The following KCNQ5 variants were observed in gnomAD, a reference collection of about 807,000 sequenced individuals.
KCNQ5 encodes the protein potassium voltage-gated channel subfamily Q member 5.
A neutral mutation model predicts 98.2 loss-of-function variants in KCNQ5; 30 were observed. The ratio of observed to expected loss-of-function variants is 0.31; its 90% CI spans 0.23 to 0.41. The LOEUF is 0.41. Among genes scored for constraint, KCNQ5 ranks in the 10% least tolerant of loss-of-function variants. The pLI is 1.00. For missense variants in KCNQ5, 835 were observed against 1,182.5 expected (o/e 0.71, Z 4.31); for synonymous variants, 458 against 449.4 (o/e 1.02, Z -0.24).
intron 3 of KCNQ5, among the ~76,000 whole-genome samples, chr6:73,073,760 T>G (rs1321426960): frequency 1.3e-5 from 2 of 152,210 alleles, no homozygotes; most frequent in African/African-American, 2.4e-5. Context: ...TGTCCATAGT[T>G]TCTACCTTAC....
chr6:72,757,159 T>C (rs1772013306), intron 1 of KCNQ5, among the ~76,000 whole-genome samples: 1 of 152,204 alleles, frequency 6.6e-6, no homozygotes, highest in African/African-American at 2.4e-5. Context: ...CGATGGGCTG[T>C]AATTGAGCAT....
chr6:72,653,671 A>G (rs1243584594), intron 1 of KCNQ5, among the ~76,000 whole-genome samples: 1 of 152,106 alleles, frequency 6.6e-6, no homozygotes, highest in African/African-American at 2.4e-5. Context: ...TTAAATGTGG[A>G]TATAAAAATA....
intron 12 of KCNQ5, 93 bp downstream of exon 12, chr6:73,190,797 A>G (rs1765565429): frequency 1.4e-5 from 10 of 738,968 alleles, no homozygotes; most frequent in Non-Finnish European, 2.0e-5. Flanking sequence ...TCTGAACTCC[A>G]TATTTTTCAT....
intron 1 of KCNQ5, among the ~76,000 whole-genome samples, chr6:72,901,027 G>T (rs774811367): frequency 1.1e-4 from 17 of 151,838 alleles, no homozygotes; most frequent in Non-Finnish European, 1.6e-4. Flanking sequence ...TGCACAACAT[G>T]CAGGTTTGTT....
intron 9 of KCNQ5, chr6:73,129,710 T>TTTA: frequency 8.4e-7 from 1 of 1,186,272 alleles, no homozygotes; most frequent in Non-Finnish European, 1.2e-6. Flanking sequence ...GCCAAATGGC[T>TTTA]TTGTTTTTAT....
chr6:72,925,820 C>T (rs991809666), intron 1 of KCNQ5, among the ~76,000 whole-genome samples: 1 of 152,080 alleles, frequency 6.6e-6, no homozygotes, highest in Non-Finnish European at 1.5e-5. Context: ...GCAATGGGAA[C>T]CTTGTGGGCA....
chr6:72,952,231 G>A (rs1766840544), intron 1 of KCNQ5, among the ~76,000 whole-genome samples: 1 of 152,210 alleles, frequency 6.6e-6, no homozygotes. Flanking sequence ...AAACACACTT[G>A]TGCATGTACA....
At chr6:72,628,045 C>T (rs1386253446) in intron 1 of KCNQ5, among the ~76,000 whole-genome samples, 2 of 152,200 alleles carry the variant, frequency 1.3e-5, no homozygotes, top group South Asian at 2.1e-4. Context: ...TCCCACATGA[C>T]AGCAAGCTTC....
At chr6:73,077,909 T>C in intron 5 of KCNQ5, 22 bp downstream of exon 5, 3 of 1,566,572 alleles carry the variant, frequency 1.9e-6, no homozygotes, top group Non-Finnish European at 2.6e-6. Flanking sequence ...AATACATTTT[T>C]TATTTATTGG....
intron 1 of KCNQ5, among the ~76,000 whole-genome samples, chr6:72,840,891 A>T (rs935703888): frequency 1.3e-5 from 2 of 152,142 alleles, no homozygotes; most frequent in African/African-American, 4.8e-5. Flanking sequence ...TGTTAAGCTT[A>T]TGGATGGTTG....
At chr6:72,956,997 C>T (rs1052445963) in intron 1 of KCNQ5, among the ~76,000 whole-genome samples, 9 of 152,072 alleles carry the variant, frequency 5.9e-5, no homozygotes, top group Admixed American at 2.0e-4. Context: ...TGTTCAGGCC[C>T]GTTGCATTAC....
chr6:72,815,331 G>A (rs551780469), intron 1 of KCNQ5, among the ~76,000 whole-genome samples: 9 of 152,110 alleles, frequency 5.9e-5, no homozygotes, highest in African/African-American at 1.9e-4. Flanking sequence ...TATAAGTATC[G>A]TAAGACAGGT....
chr6:72,660,045 C>A (rs1382851214), intron 1 of KCNQ5, among the ~76,000 whole-genome samples: 1 of 152,142 alleles, frequency 6.6e-6, no homozygotes, highest in Non-Finnish European at 1.5e-5. Context: ...GAAGCCAGGG[C>A]AAACCTTTTA....
intron 1 of KCNQ5, among the ~76,000 whole-genome samples, chr6:72,966,877 A>G (rs1301997281): frequency 6.6e-6 from 1 of 152,220 alleles, no homozygotes; most frequent in Non-Finnish European, 1.5e-5. Flanking sequence ...GCTGATTTCA[A>G]TAAAAGTTAC....
intron 3 of KCNQ5, chr6:73,055,860 G>T: frequency 1.5e-6 from 1 of 664,706 alleles, no homozygotes; most frequent in Non-Finnish European, 2.8e-6. Context: ...AGAAGTGAAG[G>T]CCAGCAAACA....
rs370267721 is a variant in KCNQ5, at chr6:72,644,181, C to T, written c.398+21594C>T. 1.8e-4 allele frequency among the ~76,000 whole-genome samples: 28 copies of T among 152,292 alleles called. No individual in the cohort carries two copies. The South Asian group carries it at 5.4e-3, about 29-fold the overall frequency. On this transcript the variant is annotated intron_variant, in intron 1 of 13. Transcript: ENST00000370398. ...CGACTCATTGCTCCTAGTGGAAATA[C>T]AGGGTTAGGTCCTATGAGCCTTTGG...
chr6:73,067,262 T>C (rs1366055619), intron 3 of KCNQ5, among the ~76,000 whole-genome samples: 1 of 152,212 alleles, frequency 6.6e-6, no homozygotes, highest in Non-Finnish European at 1.5e-5. Context: ...GTTTGATTTT[T>C]GGCTCCATTT....
At chr6:72,947,737 A>G (rs924148767) in intron 1 of KCNQ5, among the ~76,000 whole-genome samples, 7 of 152,286 alleles carry the variant, frequency 4.6e-5, no homozygotes, top group East Asian at 1.9e-4. Context: ...CAACATGTCT[A>G]TCAAGAATGG....
At position 73,177,997 on chromosome 6, in the gene KCNQ5, T is replaced by C. The variant is rs377169936; in HGVS notation, c.1577+8143T>C. 4.6e-4 allele frequency among the ~76,000 whole-genome samples: 70 copies of C among 152,318 alleles called. 2 individuals are homozygous for C. In the South Asian group the frequency reaches 0.014, roughly 31 times the overall value. The stretch of plus-strand genomic sequence containing the variant: ...TTCTTTGGCTATAATTTAAACTGAG[T>C]TTTCTATTATTTGCTAAAAATATAG... On this transcript the variant is annotated intron_variant, in intron 11 of 13. Transcript: ENST00000370398.
Sources: gnomAD v4.1 joint callset for allele counts (sites outside exome capture counted in the v4.1 genomes callset) on GRCh38, gnomAD v4.1.1 for gene constraint, MANE v1.5 for transcripts, NCBI Gene and HGNC (gene_info 2026-07-23, HGNC 2026-07-21) for gene names.